The following GRM5 variants were observed in gnomAD, a reference collection of about 807,000 sequenced individuals.
GRM5 encodes the protein metabotropic glutamate receptor 5.
In GRM5, 19 loss-of-function variants were observed where a neutral mutation model predicts 83.1. The ratio of observed to expected loss-of-function variants is 0.23; its 90% CI spans 0.16 to 0.34. The LOEUF (loss-of-function observed/expected upper bound fraction) is 0.34, where lower values mean the gene tolerates loss of function less well. Among genes scored for constraint, GRM5 ranks in the 10% least tolerant of loss-of-function variants. GRM5 has a pLI of 1.00. For missense variants in GRM5, 1,160 were observed against 1,588.3 expected (o/e 0.73, Z 4.58); for synonymous variants, 675 against 633.6 (o/e 1.07, Z -0.98).
intron 3 of GRM5, among the ~76,000 whole-genome samples, chr11:88,736,010 A>G (rs1941906452): frequency 6.6e-6 from 1 of 152,056 alleles, no homozygotes; most frequent in African/African-American, 2.4e-5. Flanking sequence ...ACTTCTGAGC[A>G]CTCTCGAAGT....
At chr11:88,669,715 C>T (rs921591544) in intron 3 of GRM5, among the ~76,000 whole-genome samples, 33 of 151,960 alleles carry the variant, frequency 2.2e-4, no homozygotes, top group African/African-American at 8.0e-4. Context: ...CCACTTAATA[C>T]AAAGAAATAA....
intron 2 of GRM5, among the ~76,000 whole-genome samples, chr11:88,855,414 A>G (rs1944456862): frequency 6.6e-6 from 1 of 151,924 alleles, no homozygotes; most frequent in South Asian, 2.1e-4. Flanking sequence ...CATGTTGTAC[A>G]AATTCAATTC....
intron 3 of GRM5, among the ~76,000 whole-genome samples, chr11:88,680,172 C>G (rs1167004559): frequency 6.6e-6 from 1 of 152,108 alleles, no homozygotes; most frequent in Non-Finnish European, 1.5e-5. Context: ...TGTAGGTGTG[C>G]TGCACCCAAT....
intron 2 of GRM5, among the ~76,000 whole-genome samples, chr11:88,915,409 G>C (rs184739358): frequency 2.6e-5 from 4 of 152,036 alleles, no homozygotes; most frequent in Non-Finnish European, 5.9e-5. Context: ...GGTCATATTA[G>C]AATAAATTAG....
chr11:88,923,604 TTAGA>T, intron 2 of GRM5, among the ~76,000 whole-genome samples: 1 of 152,146 alleles, frequency 6.6e-6, no homozygotes, highest in African/African-American at 2.4e-5. Context: ...AAAAATATAG[TTAGA>T]TAGAATGAAT....
intron 2 of GRM5, among the ~76,000 whole-genome samples, chr11:89,034,788 G>A (rs997013493): frequency 2.0e-5 from 3 of 148,090 alleles, no homozygotes; most frequent in African/African-American, 7.4e-5. Context: ...CAAGTTTTAG[G>A]TTATTTTTAT....
At chr11:88,632,840 C>A (rs1187344633) in intron 4 of GRM5, among the ~76,000 whole-genome samples, 2 of 152,192 alleles carry the variant, frequency 1.3e-5, no homozygotes, top group South Asian at 2.1e-4. Flanking sequence ...TTCTTCCCAA[C>A]ATTTGATATG....
intron 3 of GRM5, among the ~76,000 whole-genome samples, chr11:88,840,543 G>A (rs2135529997): frequency 6.6e-6 from 1 of 152,176 alleles, no homozygotes; most frequent in South Asian, 2.1e-4. Flanking sequence ...ATATTGTGAA[G>A]TGATACACAA....
At chr11:88,991,088 C>A (rs368095745) in intron 2 of GRM5, among the ~76,000 whole-genome samples, 3 of 152,052 alleles carry the variant, frequency 2.0e-5, no homozygotes, top group African/African-American at 7.2e-5. Flanking sequence ...TCTTTGCAGA[C>A]GACATGATTG....
intron 3 of GRM5, among the ~76,000 whole-genome samples, chr11:88,771,894 G>A (rs1234100274): frequency 6.6e-6 from 1 of 152,040 alleles, no homozygotes; most frequent in Non-Finnish European, 1.5e-5. Context: ...GGCAATCACT[G>A]GTTTGTTCTC....
chr11:88,723,182 C>T (rs1215359884), intron 3 of GRM5, among the ~76,000 whole-genome samples: 1 of 151,566 alleles, frequency 6.6e-6, no homozygotes, highest in Non-Finnish European at 1.5e-5. Flanking sequence ...GCTCTCAAGG[C>T]TCCTCCATGA....
intron 2 of GRM5, among the ~76,000 whole-genome samples, chr11:88,877,040 G>A (rs1038912994): frequency 6.6e-6 from 1 of 152,024 alleles, no homozygotes; most frequent in African/African-American, 2.4e-5. Flanking sequence ...TAGAGAGTAG[G>A]ATAGTGGTTA....
chr11:88,649,485 A>G (rs1044913256), intron 4 of GRM5, among the ~76,000 whole-genome samples: 2 of 144,494 alleles, frequency 1.4e-5, no homozygotes, highest in African/African-American at 5.0e-5. Flanking sequence ...TATAATTTAT[A>G]TATTACATAT....
At chr11:88,553,105 C>G (rs556634217) in intron 8 of GRM5, among the ~76,000 whole-genome samples, 1 of 152,158 alleles carries the variant, frequency 6.6e-6, no homozygotes, top group Non-Finnish European at 1.5e-5. Flanking sequence ...ACATTTTAAA[C>G]ATTCTTTAGA....
intron 2 of GRM5, among the ~76,000 whole-genome samples, chr11:88,900,356 G>A (rs1945295677): frequency 6.6e-6 from 1 of 152,144 alleles, no homozygotes; most frequent in Admixed American, 6.6e-5. Context: ...ACTGAACACA[G>A]ATTTGGGAAG....
At chr11:88,608,836 T>A (rs1291193626) in intron 4 of GRM5, among the ~76,000 whole-genome samples, 29 of 152,148 alleles carry the variant, frequency 1.9e-4, no homozygotes, top group Admixed American at 6.5e-5. Flanking sequence ...ATTTTCTTTT[T>A]TGTTTTCTAC....
intron 3 of GRM5, among the ~76,000 whole-genome samples, chr11:88,732,878 C>G: frequency 6.6e-6 from 1 of 151,902 alleles, no homozygotes. Context: ...CTATAGTTTT[C>G]CAGGACTGAG....
intron 1 of GRM5, chr11:89,063,559 G>A (rs549522724): frequency 6.6e-6 from 1 of 152,400 alleles, no homozygotes; most frequent in South Asian, 2.1e-4. Context: ...GGATCAGCAG[G>A]GCAGAGCCGG....
At chr11:88,754,886 T>G (rs553852805) in intron 3 of GRM5, among the ~76,000 whole-genome samples, 16 of 152,274 alleles carry the variant, frequency 1.1e-4, no homozygotes, top group African/African-American at 2.9e-4. Flanking sequence ...CTCTGTGCTC[T>G]GCCCAAGTGC....
Sources: allele counts gnomAD v4.1 joint callset (sites outside exome capture counted in the v4.1 genomes callset), GRCh38; gene constraint gnomAD v4.1.1; transcripts MANE v1.5; gene names NCBI Gene and HGNC (gene_info 2026-07-23, HGNC 2026-07-21).